Variants in SMARCAD1 observed in about 807,000 individuals in gnomAD.
The protein encoded by SMARCAD1 is SNF2 related chromatin remodeling ATPase with DExD box 1.
Under a neutral mutation model 127.1 loss-of-function variants are expected in SMARCAD1, and 25 were observed. That is an observed-to-expected ratio of 0.20 (90% confidence interval 0.14 to 0.27). The LOEUF is 0.27. Ranked by LOEUF, SMARCAD1 falls within the 10% of genes least tolerant of loss-of-function variation. The pLI is 1.00. For missense variants in SMARCAD1, 807 were observed against 1,206.0 expected (o/e 0.67, Z 4.90); for synonymous variants, 400 against 396.9 (o/e 1.01, Z -0.09).
At chr4:94,244,724 T>C (rs527879046) in intron 6 of SMARCAD1, among the ~76,000 whole-genome samples, 11 of 151,742 alleles carry the variant, frequency 7.2e-5, no homozygotes, top group Admixed American at 2.0e-4. Context: ...TTAGTTCTTC[T>C]CTGTTAAAGA....
At position 94,280,572 on chromosome 4, in the gene SMARCAD1, G is replaced by GTGTTTTGTTT. The variant is rs572347889; in HGVS notation, c.2419-13_2419-4dup. 1 of 1,594,454 alleles carries GTGTTTTGTTT rather than the reference G, an allele frequency of 6.3e-7. No individual in the cohort carries two copies. The highest frequency in any genetic ancestry group is 1.7e-4 in the Middle Eastern group (1 of 5,776). ...AATTATTTTTATTTTGAAGTATACT[G>GTGTTTTGTTT]TGTTTTGTTTTGTTTTAAGGAACCT... On this transcript the variant is annotated intron_variant, in intron 19 of 23. Coordinates refer to ENST00000354268, the MANE Select transcript of SMARCAD1 (RefSeq NM_020159.5).
chr4:94,234,881 CTT>C (rs1746393799), intron 4 of SMARCAD1, among the ~76,000 whole-genome samples: 1 of 152,122 alleles, frequency 6.6e-6, no homozygotes, highest in African/African-American at 2.4e-5. Context: ...AGGCAGGTAA[CTT>C]TGAAGTGGTA....
rs1180148054 is a variant in SMARCAD1, at chr4:94,253,010, A to G, written c.1281+3A>G. On this transcript the variant is annotated splice_donor_region_variant and intron_variant, in intron 9 of 23. Coordinates refer to ENST00000354268, the MANE Select transcript of SMARCAD1 (RefSeq NM_020159.5). The stretch of plus-strand genomic sequence containing the variant: ...CCTTTAATAGTTGGGAGGCTCTGGT[A>G]AGGCTTTATTCTTTTTTTCCCCTTG... The G allele has an allele frequency of 6.2e-7, 1 of 1,611,070 alleles. No homozygotes were observed. Among genetic ancestry groups the G allele is most frequent in the Non-Finnish European group, 8.5e-7 (1 of 1,179,980 alleles).
chr4:94,244,918 A>C (rs1216091767), intron 6 of SMARCAD1, among the ~76,000 whole-genome samples: 1 of 152,210 alleles, frequency 6.6e-6, no homozygotes, highest in Non-Finnish European at 1.5e-5. Context: ...TTTATAGCTT[A>C]CTATTTAAAG....
intron 6 of SMARCAD1, among the ~76,000 whole-genome samples, chr4:94,243,793 T>C (rs1353206727): frequency 5.3e-5 from 8 of 152,168 alleles, no homozygotes; most frequent in Non-Finnish European, 1.0e-4. Context: ...TGTTAGGTGG[T>C]GATATGCTAT....
intron 14 of SMARCAD1, among the ~76,000 whole-genome samples, chr4:94,275,563 A>G (rs1352424072): frequency 1.3e-5 from 2 of 152,114 alleles, no homozygotes; most frequent in Non-Finnish European, 2.9e-5. Flanking sequence ...TTTTCTTAAT[A>G]AAACAGGCTC....
intron 12 of SMARCAD1, among the ~76,000 whole-genome samples, chr4:94,274,337 A>AT (rs962789079): frequency 3.9e-4 from 59 of 151,818 alleles, no homozygotes; most frequent in African/African-American, 9.2e-4. Context: ...ATTTTTATTT[A>AT]TTTTTTTTAA....
chr4:94,270,518 A>G (rs879559734), intron 10 of SMARCAD1: 2 of 486,028 alleles, frequency 4.1e-6, no homozygotes, highest in Middle Eastern at 5.8e-4. Flanking sequence ...TCTTACTGCC[A>G]GAAGAAATAG....
Position 94,273,610 on chromosome 4 carries a change from T to A in SMARCAD1, c.1573-7T>A, listed in dbSNP as rs756609271. ...AAATGTTATATATTGTCTTTTAAAC[T>A]TTTTAGGGCCTAGGAAAAACTATTC... On this transcript the variant is annotated splice_region_variant and splice_polypyrimidine_tract_variant and intron_variant, in intron 11 of 23. Transcript: ENST00000354268. 6.2e-7 allele frequency: 1 copy of A among 1,608,954 alleles called. No homozygotes were observed. Among genetic ancestry groups the A allele is most frequent in the Non-Finnish European group, 8.5e-7 (1 of 1,175,840 alleles).
intron 6 of SMARCAD1, among the ~76,000 whole-genome samples, chr4:94,244,413 G>A (rs61012480): frequency 0.068 from 10,297 of 152,212 alleles, 1,176 homozygotes; most frequent in African/African-American, 0.23. Flanking sequence ...TAAATTGAAG[G>A]CAGCTGTGCA....
chr4:94,277,232 CTT>C, intron 16 of SMARCAD1, 73 bp downstream of exon 16: 2 of 1,555,196 alleles, frequency 1.3e-6, no homozygotes, highest in South Asian at 2.2e-5. Context: ...TGTTAGGTCT[CTT>C]TTGTTGTTTT....
intron 3 of SMARCAD1, among the ~76,000 whole-genome samples, chr4:94,231,086 CAAT>C (rs1181761315): frequency 2.6e-5 from 4 of 152,128 alleles, no homozygotes. Context: ...GATGTAAAAA[CAAT>C]AAGTTTGAGA....
Position 94,252,713 on chromosome 4 carries a change from A to G in SMARCAD1, c.987A>G (p.Lys329=). 2 of 1,594,982 alleles carry G rather than the reference A, an allele frequency of 1.3e-6. No individual in the cohort carries two copies. The highest frequency in any genetic ancestry group is 1.4e-5 in the African/African-American group (1 of 73,956). Residue 329 remains lysine (K), a synonymous_variant, in exon 9 of 24, where the codon AAA becomes AAG. Coordinates refer to ENST00000354268, the MANE Select transcript of SMARCAD1 (RefSeq NM_020159.5). ...YPKNATKTKL[K]QKFSMKAQNG... ...AAAATGCAACTAAAACAAAACTAAA[A>G]CAGAAATTTTCAATGAAAGCACAAA...
chr4:94,232,433 G>A lies in SMARCAD1; in HGVS notation c.369-1521G>A, dbSNP rs111518265. ...TTTCATTTTCTCAGTCACCTAAGAG[G>A]CAAGGTCAAGTAGGGAGCAGGGAAT... On this transcript the variant is annotated intron_variant, in intron 3 of 23. Transcript: ENST00000354268. 9.2e-3 allele frequency among the ~76,000 whole-genome samples: 1,396 copies of A among 152,244 alleles called. 15 individuals are homozygous for A. The highest frequency in any genetic ancestry group is 0.031 in the African/African-American group (1,299 of 41,536).
intron 22 of SMARCAD1, among the ~76,000 whole-genome samples, chr4:94,284,655 A>G (rs1754677282): frequency 6.6e-6 from 1 of 150,580 alleles, no homozygotes; most frequent in Non-Finnish European, 1.5e-5. Context: ...CTGATCTCGA[A>G]CTGCTGGCCT....
rs920044767 is a variant in SMARCAD1, at chr4:94,273,499, G to A, written c.1573-118G>A. ...ACATAGTAGAAATTCCTTTAGAGTT[G>A]CATTCTGGGAAATCAAAAGTGAATA... On this transcript the variant is annotated intron_variant, in intron 11 of 23. Transcript: ENST00000354268. The A allele has an allele frequency of 1.9e-5, 14 of 723,164 alleles. No individual in the cohort carries two copies. In the African/African-American group the frequency reaches 2.1e-4, roughly 11 times the overall value. The allele number at this position is 723,164 out of a possible 1,614,324, so 44.8% of individuals were successfully genotyped here. A position where few individuals can be genotyped will look rare whatever the true frequency, so the allele number is the denominator to read the frequency against.
At position 94,253,016 on chromosome 4, in the gene SMARCAD1, T is replaced by A. The variant is rs767823348; in HGVS notation, c.1281+9T>A. The A allele has an allele frequency of 1.9e-6, 3 of 1,609,690 alleles. No individual in the cohort carries two copies. The South Asian group carries it at 3.3e-5, about 18-fold the overall frequency. Reference sequence around the variant, plus strand: ...ATAGTTGGGAGGCTCTGGTAAGGCTTTATTCTTTTTTTCCCCTTGTATGTG... The same window carrying A: ...ATAGTTGGGAGGCTCTGGTAAGGCTATATTCTTTTTTTCCCCTTGTATGTG... On this transcript the variant is annotated intron_variant, in intron 9 of 23. Coordinates refer to ENST00000354268, the MANE Select transcript of SMARCAD1 (RefSeq NM_020159.5).
chr4:94,233,178 T>A (rs1444635528), intron 3 of SMARCAD1, among the ~76,000 whole-genome samples: 7 of 152,232 alleles, frequency 4.6e-5, no homozygotes, highest in African/African-American at 1.7e-4. Context: ...TCACTAATGT[T>A]AAGATTATAC....
chr4:94,229,314 A>G (rs1020977170), intron 3 of SMARCAD1, among the ~76,000 whole-genome samples: 1 of 152,156 alleles, frequency 6.6e-6, no homozygotes, highest in African/African-American at 2.4e-5. Flanking sequence ...CTAGAACTTA[A>G]CACTTGTATT....
Sources: gnomAD v4.1 joint callset for allele counts (sites outside exome capture counted in the v4.1 genomes callset) on GRCh38, gnomAD v4.1.1 for gene constraint, MANE v1.5 for transcripts, NCBI Gene and HGNC (gene_info 2026-07-23, HGNC 2026-07-21) for gene names.